NSUN3: variants seen among roughly 807,000 people sequenced by gnomAD.
NSUN3 encodes NOP2/Sun RNA methyltransferase 3, also known as tRNA (cytosine(34)-C(5))-methyltransferase, mitochondrial.
A neutral mutation model predicts 36.8 loss-of-function variants in NSUN3; 24 were observed. The ratio of observed to expected loss-of-function variants is 0.65; its 90% CI spans 0.47 to 0.92. The LOEUF (loss-of-function observed/expected upper bound fraction) is 0.92. Ranked by LOEUF, NSUN3 falls within the 40% of genes least tolerant of loss-of-function variation. The probability of loss-of-function intolerance (pLI) is 0.00; values close to 1 mark genes in which losing one functional copy is unlikely to be tolerated. For synonymous variants in NSUN3, 146 were observed against 145.2 expected, an observed-to-expected ratio of 1.01 and a Z score of -0.04; for missense variants, 381 against 392.8, an observed-to-expected ratio of 0.97 and a Z score of 0.25.
Position 94,094,283 on chromosome 3 carries a change from A to G in NSUN3, c.610A>G (p.Met204Val), listed in dbSNP as rs577205382. 6.2e-7 allele frequency: 1 copy of G among 1,612,102 alleles called. No individual in the cohort carries two copies. The highest frequency in any genetic ancestry group is 1.3e-5 in the African/African-American group (1 of 74,934). The change falls in exon 4 of 6, where the codon ATG becomes GTG. Residue 204 changes from methionine (M) to valine (V), a missense_variant. Physicochemically the swap from Met to Val is conservative, Grantham distance 21. Transcript: ENST00000314622. ...AAAAATGGGAGATGCCCAGCCTGAA[A>G]TGTTTGACAAGGTACTTTTATTACA... Reference protein sequence around the residue: ...GRKMGDAQPEMFDKVLVDAPC... With the variant: ...GRKMGDAQPEVFDKVLVDAPC...
intron 5 of NSUN3, 146 bp from the exon 6 acceptor site, chr3:94,126,065 A>G (rs951206792): frequency 3.0e-6 from 2 of 674,194 alleles, no homozygotes; most frequent in African/African-American, 1.8e-5. Flanking sequence ...GTCTCAAAAA[A>G]AAAAAAAAGA....
intron 3 of NSUN3, among the ~76,000 whole-genome samples, chr3:94,089,405 A>T (rs1187610902): frequency 6.6e-6 from 1 of 152,192 alleles, no homozygotes; most frequent in African/African-American, 2.4e-5. Flanking sequence ...AGGGAGAGGC[A>T]ATTTCCCAAA....
At chr3:94,100,955 A>T (rs2077363452) in intron 5 of NSUN3, among the ~76,000 whole-genome samples, 1 of 151,760 alleles carries the variant, frequency 6.6e-6, no homozygotes, top group Non-Finnish European at 1.5e-5. Flanking sequence ...TTATTTGATA[A>T]AAGTTTTTTT....
chr3:94,129,846 C>T lies in NSUN3; in HGVS notation c.*3356C>T, dbSNP rs571228101. 1.3e-5 allele frequency among the ~76,000 whole-genome samples: 2 copies of T among 150,174 alleles called. No homozygotes were observed. The highest frequency in any genetic ancestry group is 3.0e-5 in the Non-Finnish European group (2 of 67,704). On this transcript the variant is annotated 3_prime_UTR_variant, in exon 6 of 6. Coordinates refer to ENST00000314622, the MANE Select transcript of NSUN3 (RefSeq NM_022072.5). ...TCAGCTCACTGCAACCTCTGCCTCC[C>T]GGGTTCAAGCAGTTTTCTGCCTCAG...
At chr3:94,083,670 G>T (rs1218201894) in intron 2 of NSUN3, among the ~76,000 whole-genome samples, 1 of 152,152 alleles carries the variant, frequency 6.6e-6, no homozygotes, top group Non-Finnish European at 1.5e-5. Context: ...TTTCCCATTT[G>T]CCATGCAGAA....
chr3:94,101,773 A>C (rs1032351283), intron 5 of NSUN3, among the ~76,000 whole-genome samples: 1 of 152,210 alleles, frequency 6.6e-6, no homozygotes, highest in Non-Finnish European at 1.5e-5. Context: ...TTCATACTAT[A>C]TAATCAAATT....
rs1262350067 is a variant in NSUN3, at chr3:94,130,629, C to T, written c.*4139C>T. On this transcript the variant is annotated 3_prime_UTR_variant, in exon 6 of 6. Coordinates refer to ENST00000314622, the MANE Select transcript of NSUN3 (RefSeq NM_022072.5). ...CAGAACATGTCTTTCTGCATGGCCT[C>T]CTCATCCCCATCCCAGGGGAGAACG... 2.6e-5 allele frequency among the ~76,000 whole-genome samples: 4 copies of T among 152,176 alleles called. No homozygotes were observed. Among genetic ancestry groups the T allele is most frequent in the African/African-American group, 9.7e-5 (4 of 41,440 alleles).
chr3:94,063,502 A>G (rs774718571), intron 1 of NSUN3: 5 of 260,948 alleles, frequency 1.9e-5, no homozygotes, highest in Non-Finnish European at 2.9e-5. Flanking sequence ...TTCACGATGA[A>G]ATTGGAGTGA....
chr3:94,117,250 T>C (rs904197023), intron 5 of NSUN3, among the ~76,000 whole-genome samples: 3 of 152,060 alleles, frequency 2.0e-5, no homozygotes, highest in Non-Finnish European at 4.4e-5. Flanking sequence ...TCTGTCCCCT[T>C]TGGCCTCCCA....
At chr3:94,113,239 C>T (rs924999085) in intron 5 of NSUN3, among the ~76,000 whole-genome samples, 1 of 152,014 alleles carries the variant, frequency 6.6e-6, no homozygotes, top group Non-Finnish European at 1.5e-5. Flanking sequence ...TTGACATAGC[C>T]CTTACGTAAT....
At chr3:94,080,975 G>C (rs2077266499) in intron 2 of NSUN3, among the ~76,000 whole-genome samples, 1 of 152,208 alleles carries the variant, frequency 6.6e-6, no homozygotes, top group East Asian at 1.9e-4. Context: ...AACTCCTGCA[G>C]CTAGTTCGGT....
At chr3:94,076,914 G>C in intron 2 of NSUN3, 1 of 1,265,660 alleles carries the variant, frequency 7.9e-7, no homozygotes, top group Non-Finnish European at 1.2e-6. Context: ...TCATCATTAG[G>C]GAGTTGCACA....
chr3:94,070,523 T>C (rs891339098), intron 2 of NSUN3, among the ~76,000 whole-genome samples: 1 of 151,998 alleles, frequency 6.6e-6, no homozygotes, highest in African/African-American at 2.4e-5. Context: ...GAGTGAGAAA[T>C]AGAAAGACTT....
chr3:94,080,378 C>G (rs1029183852), intron 2 of NSUN3, among the ~76,000 whole-genome samples: 9 of 152,164 alleles, frequency 5.9e-5, no homozygotes, highest in Admixed American at 5.2e-4. Flanking sequence ...AGTCAGGATA[C>G]ACAGCGGTCA....
At chr3:94,076,593 C>T (rs955613274) in intron 2 of NSUN3, 8 of 874,764 alleles carry the variant, frequency 9.1e-6, no homozygotes, top group African/African-American at 8.2e-5. Flanking sequence ...TCATCTGAAG[C>T]ACTAAGTAAG....
chr3:94,104,361 A>G (rs2077377685), intron 5 of NSUN3, among the ~76,000 whole-genome samples: 1 of 152,192 alleles, frequency 6.6e-6, no homozygotes, highest in South Asian at 2.1e-4. Context: ...AAAGCTTGAT[A>G]GTGGATAAGG....
intron 2 of NSUN3, 75 bp from the exon 3 acceptor site, chr3:94,084,032 C>T: frequency 9.3e-7 from 1 of 1,079,050 alleles, no homozygotes; most frequent in Non-Finnish European, 1.3e-6. Flanking sequence ...ACCACATTCA[C>T]CTGATTCGTA....
intron 2 of NSUN3, among the ~76,000 whole-genome samples, chr3:94,083,470 C>T (rs1204602761): frequency 2.0e-5 from 3 of 152,060 alleles, no homozygotes; most frequent in Non-Finnish European, 4.4e-5. Flanking sequence ...TGTGGTGGCC[C>T]GCAATCAGTC....
chr3:94,075,948 C>CCAGAAGGA, intron 2 of NSUN3: 1 of 1,522,812 alleles, frequency 6.6e-7, no homozygotes, highest in East Asian at 2.3e-5. Context: ...CCTTCAGGGT[C>CCAGAAGGA]TTCATCATTA....
Sources: allele counts gnomAD v4.1 joint callset (sites outside exome capture counted in the v4.1 genomes callset), GRCh38; gene constraint gnomAD v4.1.1; transcripts MANE v1.5; gene names NCBI Gene and HGNC (gene_info 2026-07-23, HGNC 2026-07-21).